ASTN1: variants seen among roughly 807,000 people sequenced by gnomAD.
ASTN1 encodes the protein astrotactin-1.
In ASTN1, 41 loss-of-function variants were observed where a neutral mutation model predicts 140.7. That is an observed-to-expected ratio of 0.29 (90% CI 0.23 to 0.38). ASTN1 has a LOEUF of 0.38. ASTN1 is among the 10% of genes least tolerant of loss of function. The probability of loss-of-function intolerance (pLI) is 1.00; values close to 1 mark genes in which losing one functional copy is unlikely to be tolerated. For missense variants in ASTN1, 1,479 were observed against 1,678.8 expected (o/e 0.88, Z 2.08); for synonymous variants, 640 against 652.2 (o/e 0.98, Z 0.29).
At chr1:176,877,473 G>T (rs371625061) in intron 20 of ASTN1, among the ~76,000 whole-genome samples, 1 of 152,148 alleles carries the variant, frequency 6.6e-6, no homozygotes, top group Non-Finnish European at 1.5e-5. Context: ...TGGAAACATC[G>T]CAGTCTCCAT....
intron 1 of ASTN1, among the ~76,000 whole-genome samples, chr1:177,083,149 T>C (rs1679262029): frequency 6.6e-6 from 1 of 152,166 alleles, no homozygotes; most frequent in East Asian, 1.9e-4. Context: ...AGAGGCAAGA[T>C]AGTCTCATTT....
chr1:176,964,931 T>C (rs553181666), intron 9 of ASTN1, among the ~76,000 whole-genome samples: 1 of 152,078 alleles, frequency 6.6e-6, no homozygotes, highest in East Asian at 1.9e-4. Flanking sequence ...ATTAGTGAGG[T>C]TCCCAGAGCT....
chr1:176,909,313 C>T (rs1670130824), intron 16 of ASTN1, among the ~76,000 whole-genome samples: 1 of 152,226 alleles, frequency 6.6e-6, no homozygotes, highest in African/African-American at 2.4e-5. Flanking sequence ...TGCATGAGAT[C>T]TATCAGAAGA....
In ASTN1 at chr1:176,909,556, G is replaced by T. The variant is rs945658688; in HGVS notation, c.2672-14726C>A. Among the ~76,000 whole-genome samples the T allele has an allele frequency of 4.6e-5, 7 of 152,250 alleles. No individual in the cohort carries two copies. In the East Asian group the frequency reaches 1.2e-3, roughly 25 times the overall value. On this transcript the variant is annotated intron_variant, in intron 16 of 22. Transcript: ENST00000361833. Reference sequence around the variant, plus strand: ...ATAAAAATGCAAAACTAGCAGAACAGAATTAAATTTTGGTCCCCCAAGCCA... The same window carrying T: ...ATAAAAATGCAAAACTAGCAGAACATAATTAAATTTTGGTCCCCCAAGCCA...
At chr1:177,022,431 A>G (rs1571663393) in intron 7 of ASTN1, among the ~76,000 whole-genome samples, 1 of 152,230 alleles carries the variant, frequency 6.6e-6, no homozygotes, top group Non-Finnish European at 1.5e-5. Context: ...AAAACAAGCC[A>G]TCATAGAGAC....
chr1:176,868,989 T>C lies in ASTN1; in HGVS notation c.3502A>G (p.Thr1168Ala). ...DKIYNLFNGYTSGKEQQTAYN... is the reference protein window; with the variant it reads ...DKIYNLFNGYASGKEQQTAYN... ...GCGGTCTGCTGCTCCTTCCCACTAG[T>C]GTAGCCATTGAAGAGATTGTAGATC... Residue 1168 changes from threonine (T) to alanine (A), a missense_variant, in exon 22 of 23, where the codon ACT becomes GCT. Physicochemically the swap from Thr to Ala is moderately conservative, Grantham distance 58. Coordinates refer to ENST00000361833, the MANE Select transcript of ASTN1 (RefSeq NM_004319.3). 1 of 1,608,492 alleles carries C rather than the reference T, an allele frequency of 6.2e-7. No individual in the cohort carries two copies. The highest frequency in any genetic ancestry group is 8.5e-7 in the Non-Finnish European group (1 of 1,176,756).
chr1:177,029,522 A>C, intron 5 of ASTN1, 112 bp downstream of exon 5: 1 of 1,115,348 alleles, frequency 9.0e-7, no homozygotes, highest in Non-Finnish European at 1.3e-6. Context: ...CTTCTTGCAG[A>C]AACTGGTTTT....
At chr1:177,109,439 C>CAG (rs375242881) in intron 1 of ASTN1, among the ~76,000 whole-genome samples, 27 of 149,892 alleles carry the variant, frequency 1.8e-4, no homozygotes, top group Middle Eastern at 3.4e-3. Context: ...CACACACATA[C>CAG]AGAGAGAGAG....
intron 1 of ASTN1, among the ~76,000 whole-genome samples, chr1:177,108,745 T>C (rs1418922073): frequency 2.0e-5 from 3 of 152,202 alleles, no homozygotes. Context: ...AGAATCCAGC[T>C]TGGGGCATGT....
chr1:177,020,167 T>C (rs969041911), intron 7 of ASTN1, among the ~76,000 whole-genome samples: 10 of 152,142 alleles, frequency 6.6e-5, no homozygotes, highest in African/African-American at 2.2e-4. Context: ...GGATTATAGG[T>C]GTGAGCTGCC....
intron 2 of ASTN1, among the ~76,000 whole-genome samples, chr1:177,043,364 C>CA (rs1356739686): frequency 2.0e-5 from 3 of 152,148 alleles, no homozygotes; most frequent in Non-Finnish European, 4.4e-5. Flanking sequence ...TCAGGTCACA[C>CA]AAAAAACACT....
At chr1:176,944,569 A>G (rs766743200) in intron 13 of ASTN1, among the ~76,000 whole-genome samples, 2 of 152,172 alleles carry the variant, frequency 1.3e-5, no homozygotes, top group African/African-American at 4.8e-5. Flanking sequence ...TGGCCTCCCA[A>G]TGTAAAATTC....
chr1:176,978,614 AT>A, intron 8 of ASTN1, among the ~76,000 whole-genome samples: 1 of 152,270 alleles, frequency 6.6e-6, no homozygotes, highest in South Asian at 2.1e-4. Context: ...CCAGAGGATG[AT>A]TTTATGTGTG....
intron 21 of ASTN1, among the ~76,000 whole-genome samples, chr1:176,872,479 T>A (rs536931865): frequency 9.2e-5 from 14 of 152,214 alleles, no homozygotes; most frequent in Non-Finnish European, 1.8e-4. Context: ...AGCCTCTATA[T>A]TTCTGTGAAA....
At chr1:177,001,790 A>G (rs979796698) in intron 8 of ASTN1, among the ~76,000 whole-genome samples, 1 of 152,176 alleles carries the variant, frequency 6.6e-6, no homozygotes, top group Non-Finnish European at 1.5e-5. Flanking sequence ...CAGGCATGCA[A>G]AGTACAATGG....
chr1:176,954,823 T>C (rs1162160104), intron 11 of ASTN1, among the ~76,000 whole-genome samples: 1 of 152,216 alleles, frequency 6.6e-6, no homozygotes, highest in Non-Finnish European at 1.5e-5. Flanking sequence ...CTGTGGTTTG[T>C]ACAGGTCTGT....
intron 15 of ASTN1, 114 bp from the exon 16 acceptor site, chr1:176,934,454 G>T: frequency 9.4e-7 from 1 of 1,060,834 alleles, no homozygotes; most frequent in Non-Finnish European, 1.3e-6. Context: ...AAGTGATGTG[G>T]GAGAGCTAGC....
At chr1:176,928,003 T>A (rs1671042024) in intron 16 of ASTN1, among the ~76,000 whole-genome samples, 1 of 151,922 alleles carries the variant, frequency 6.6e-6, no homozygotes. Flanking sequence ...CATGTTTCTC[T>A]ATAAATATGC....
chr1:177,012,361 T>C (rs1675335193), intron 8 of ASTN1, among the ~76,000 whole-genome samples: 1 of 152,242 alleles, frequency 6.6e-6, no homozygotes, highest in Non-Finnish European at 1.5e-5. Context: ...TTTTTAATAC[T>C]GAGTACATAT....
Sources: gnomAD v4.1 joint callset for allele counts (sites outside exome capture counted in the v4.1 genomes callset) on GRCh38, gnomAD v4.1.1 for gene constraint, MANE v1.5 for transcripts, NCBI Gene and HGNC (gene_info 2026-07-23, HGNC 2026-07-21) for gene names.